The following PLCB1 variants were observed in gnomAD, a reference collection of about 807,000 sequenced individuals.
The protein encoded by PLCB1 is phospholipase C beta 1, also known as 1-phosphatidylinositol 4,5-bisphosphate phosphodiesterase beta-1.
A neutral mutation model predicts 161.8 loss-of-function variants in PLCB1; 46 were observed. That is an observed-to-expected ratio of 0.28 (90% CI 0.22 to 0.36). PLCB1 has a LOEUF of 0.36. Among genes scored for constraint, PLCB1 ranks in the 10% least tolerant of loss-of-function variants. PLCB1 has a pLI of 1.00. For synonymous variants in PLCB1, 517 were observed against 503.7 expected (o/e 1.03, Z -0.35); for missense variants, 1,016 against 1,472.5 (o/e 0.69, Z 5.07).
intron 3 of PLCB1, among the ~76,000 whole-genome samples, chr20:8,404,822 C>G (rs1423912008): frequency 6.6e-6 from 1 of 152,094 alleles, no homozygotes; most frequent in African/African-American, 2.4e-5. Flanking sequence ...GGCTTTAACA[C>G]CATGGCATAA....
At chr20:8,138,055 C>T (rs183837181) in intron 1 of PLCB1, among the ~76,000 whole-genome samples, 1 of 152,320 alleles carries the variant, frequency 6.6e-6, no homozygotes, top group East Asian at 1.9e-4. Flanking sequence ...TAGTAATTTA[C>T]AGAGGAAATG....
At chr20:8,628,212 C>A (rs878981897) in intron 3 of PLCB1, 82 bp from the exon 4 acceptor site, 1 of 1,095,744 alleles carries the variant, frequency 9.1e-7, no homozygotes, top group Non-Finnish European at 1.4e-6. Context: ...TGAAATCATT[C>A]TAACTCAACA....
chr20:8,404,537 G>T (rs931000396), intron 3 of PLCB1, among the ~76,000 whole-genome samples: 1 of 152,198 alleles, frequency 6.6e-6, no homozygotes, highest in Admixed American at 6.5e-5. Flanking sequence ...CCCCTGAGAA[G>T]CAGGATGTCA....
intron 10 of PLCB1, among the ~76,000 whole-genome samples, chr20:8,691,678 TATAC>T (rs1357002994): frequency 6.6e-6 from 1 of 152,168 alleles, no homozygotes; most frequent in East Asian, 1.9e-4. Context: ...AAAAATTAAA[TATAC>T]AGAATGAAAC....
chr20:8,671,060 A>G (rs1054822439), intron 9 of PLCB1, among the ~76,000 whole-genome samples: 3 of 152,202 alleles, frequency 2.0e-5, no homozygotes, highest in Non-Finnish European at 1.5e-5. Flanking sequence ...AATCCCAGTG[A>G]CATCCAAACA....
intron 2 of PLCB1, among the ~76,000 whole-genome samples, chr20:8,229,191 C>T (rs1032832149): frequency 6.6e-6 from 1 of 151,600 alleles, no homozygotes; most frequent in Non-Finnish European, 1.5e-5. Context: ...ACATTGCTGT[C>T]CAATATTACT....
At chr20:8,224,575 A>G (rs1979578033) in intron 2 of PLCB1, among the ~76,000 whole-genome samples, 1 of 152,202 alleles carries the variant, frequency 6.6e-6, no homozygotes, top group Non-Finnish European at 1.5e-5. Flanking sequence ...CTATGTAATC[A>G]TCACGCAGCA....
intron 13 of PLCB1, among the ~76,000 whole-genome samples, chr20:8,716,725 A>G (rs2076688): frequency 0.098 from 14,946 of 152,202 alleles, 1,077 homozygotes; most frequent in East Asian, 0.34. Context: ...AGGTGGCACA[A>G]TGTCTTCTTG....
intron 3 of PLCB1, among the ~76,000 whole-genome samples, chr20:8,616,700 TGCTGAGTCTTCTACAAAA>T (rs1436152397): frequency 6.6e-6 from 1 of 152,162 alleles, no homozygotes. Context: ...ACAAGGAAAA[TGCTGAGTCTTCTACAAAA>T]GAATCTTGGA....
chr20:8,356,729 T>C (rs1986373606), intron 2 of PLCB1, among the ~76,000 whole-genome samples: 1 of 152,184 alleles, frequency 6.6e-6, no homozygotes, highest in African/African-American at 2.4e-5. Context: ...TGACTTGAAA[T>C]TGAAAACCCA....
At chr20:8,333,349 T>G (rs1985443006) in intron 2 of PLCB1, among the ~76,000 whole-genome samples, 1 of 152,218 alleles carries the variant, frequency 6.6e-6, no homozygotes, top group Non-Finnish European at 1.5e-5. Context: ...GTAAAAAGTG[T>G]TGTTGCTTTC....
At chr20:8,605,083 A>G (rs1367409647) in intron 3 of PLCB1, among the ~76,000 whole-genome samples, 1 of 152,172 alleles carries the variant, frequency 6.6e-6, no homozygotes, top group Admixed American at 6.5e-5. Context: ...TCTATTATAG[A>G]CATAATACAT....
intron 3 of PLCB1, among the ~76,000 whole-genome samples, chr20:8,375,330 C>T (rs564696933): frequency 6.6e-6 from 1 of 152,212 alleles, no homozygotes; most frequent in African/African-American, 2.4e-5. Flanking sequence ...GTCGTCACTT[C>T]AAAAAGATCT....
At chr20:8,732,258 A>G (rs544550592) in intron 18 of PLCB1, 2 of 152,184 alleles carry the variant, frequency 1.3e-5, no homozygotes, top group East Asian at 3.9e-4. Flanking sequence ...ATCCTCTTTT[A>G]ATGAGGCATG....
At chr20:8,184,447 T>C (rs905360284) in intron 2 of PLCB1, among the ~76,000 whole-genome samples, 1 of 152,158 alleles carries the variant, frequency 6.6e-6, no homozygotes, top group Admixed American at 6.5e-5. Flanking sequence ...AATTTTGTTA[T>C]GAAAGACAAA....
intron 2 of PLCB1, among the ~76,000 whole-genome samples, chr20:8,174,823 A>T (rs1247759756): frequency 6.6e-6 from 1 of 152,184 alleles, no homozygotes; most frequent in Non-Finnish European, 1.5e-5. Flanking sequence ...TCAATGCAGG[A>T]GGATTGCATG....
chr20:8,483,117 A>G (rs947917377), intron 3 of PLCB1, among the ~76,000 whole-genome samples: 1 of 152,234 alleles, frequency 6.6e-6, no homozygotes, highest in Non-Finnish European at 1.5e-5. Context: ...ACAATTCTCC[A>G]AAACAGCCAT....
chr20:8,473,350 A>G (rs1258014563), intron 3 of PLCB1, among the ~76,000 whole-genome samples: 1 of 152,224 alleles, frequency 6.6e-6, no homozygotes, highest in African/African-American at 2.4e-5. Context: ...TTAGGCTAAT[A>G]ATTAATATAT....
intron 3 of PLCB1, among the ~76,000 whole-genome samples, chr20:8,516,319 T>A (rs1030401008): frequency 9.2e-5 from 14 of 152,168 alleles, no homozygotes; most frequent in African/African-American, 2.4e-5. Flanking sequence ...TCATTGCTTC[T>A]GATAATATTA....
Sources: gnomAD v4.1 joint callset for allele counts (sites outside exome capture counted in the v4.1 genomes callset) on GRCh38, gnomAD v4.1.1 for gene constraint, MANE v1.5 for transcripts, NCBI Gene and HGNC (gene_info 2026-07-23, HGNC 2026-07-21) for gene names.